Variants in SENP6 observed in about 807,000 individuals in gnomAD.
SENP6 encodes sentrin-specific protease 6.
SENP6 carries 41 observed loss-of-function variants against 134.5 expected under a neutral mutation model. That is an observed-to-expected ratio of 0.30 (90% CI 0.24 to 0.40). The LOEUF (loss-of-function observed/expected upper bound fraction) is 0.40, where lower values mean the gene tolerates loss of function less well. SENP6 is among the 10% of genes least tolerant of loss of function. SENP6 has a pLI of 1.00. For synonymous variants in SENP6, 395 were observed against 429.8 expected (o/e 0.92, Z 1.00); for missense variants, 1,248 against 1,312.5 (o/e 0.95, Z 0.76).
At position 75,678,850 on chromosome 6, in the gene SENP6, C is replaced by T. The variant is rs754435049; in HGVS notation, c.1998C>T (p.Ile666=). ...VYPPPPAKGG[I]SVTNEDLHCL... Reference sequence around the variant, plus strand: ...CACCACCTCCAGCTAAGGGAGGCATCTCTGTTACCAATGAGGACCTGCACT... The same window carrying T: ...CACCACCTCCAGCTAAGGGAGGCATTTCTGTTACCAATGAGGACCTGCACT... Residue 666 remains isoleucine (I), a synonymous_variant, in exon 16 of 24, where the codon ATC becomes ATT. Transcript: ENST00000447266. 2.1e-5 allele frequency: 34 copies of T among 1,608,500 alleles called. No individual in the cohort carries two copies. Among genetic ancestry groups the T allele is most frequent in the Admixed American group, 1.5e-4 (9 of 59,740 alleles).
chr6:75,673,988 T>G (rs1481010785), intron 11 of SENP6, among the ~76,000 whole-genome samples: 1 of 151,988 alleles, frequency 6.6e-6, no homozygotes, highest in Non-Finnish European at 1.5e-5. Context: ...GCCACTGCCT[T>G]CCAGCTCGGG....
At chr6:75,704,996 C>T (rs1325798432) in intron 19 of SENP6, among the ~76,000 whole-genome samples, 1 of 152,182 alleles carries the variant, frequency 6.6e-6, no homozygotes, top group Non-Finnish European at 1.5e-5. Context: ...CATCTCAGGG[C>T]AAAGCAATTG....
At chr6:75,615,729 G>A (rs1443487980) in intron 1 of SENP6, among the ~76,000 whole-genome samples, 1 of 152,166 alleles carries the variant, frequency 6.6e-6, no homozygotes, top group East Asian at 1.9e-4. Context: ...AAAATGAGCT[G>A]CAAAGTGTTC....
intron 7 of SENP6, among the ~76,000 whole-genome samples, chr6:75,657,489 C>T (rs1474865155): frequency 1.3e-5 from 2 of 152,144 alleles, no homozygotes; most frequent in Admixed American, 6.5e-5. Context: ...ATCATTATCT[C>T]TGTGTCACAA....
intron 16 of SENP6, among the ~76,000 whole-genome samples, chr6:75,685,744 A>G (rs1348699000): frequency 2.0e-5 from 3 of 152,188 alleles, no homozygotes. Flanking sequence ...ATTTGATTAC[A>G]CTGTGGTCTG....
At chr6:75,669,504 G>T (rs1487828198) in intron 10 of SENP6, among the ~76,000 whole-genome samples, 2 of 151,706 alleles carry the variant, frequency 1.3e-5, no homozygotes, top group Non-Finnish European at 2.9e-5. Context: ...GAAGGATAAT[G>T]GGAATGGTGG....
chr6:75,693,629 G>C (rs1439408398), intron 16 of SENP6, among the ~76,000 whole-genome samples: 2 of 152,170 alleles, frequency 1.3e-5, no homozygotes, highest in Admixed American at 6.5e-5. Flanking sequence ...TGAGTTGCCT[G>C]AAAGCAAGAA....
At chr6:75,604,219 A>G (rs1046627536) in intron 1 of SENP6, among the ~76,000 whole-genome samples, 12 of 152,322 alleles carry the variant, frequency 7.9e-5, no homozygotes, top group African/African-American at 2.4e-4. Context: ...TCAAACTACT[A>G]CTTTTACTTT....
chr6:75,652,565 G>A (rs888021953), intron 7 of SENP6, among the ~76,000 whole-genome samples: 4 of 150,604 alleles, frequency 2.7e-5, no homozygotes, highest in East Asian at 2.0e-4. Context: ...GGCCAGGCGC[G>A]GTGGCTCACG....
intron 3 of SENP6, among the ~76,000 whole-genome samples, chr6:75,629,152 G>T (rs1349490399): frequency 6.6e-6 from 1 of 152,144 alleles, no homozygotes; most frequent in African/African-American, 2.4e-5. Flanking sequence ...TACTAAAAAA[G>T]CTTTACCAAG....
At position 75,674,695 on chromosome 6, in the gene SENP6, A is replaced by G. The variant is rs142146944; in HGVS notation, c.1393-740A>G. 6.7e-3 allele frequency among the ~76,000 whole-genome samples: 1,015 copies of G among 152,348 alleles called. 11 individuals are homozygous for G. Among genetic ancestry groups the G allele is most frequent in the African/African-American group, 0.024 (982 of 41,578 alleles). On this transcript the variant is annotated intron_variant, in intron 11 of 23. Transcript: ENST00000447266. ...TTCCTTTCAGATGCAATCTTTAGAA[A>G]GTATGTTTAGTGACATTCTAGACTT...
At chr6:75,656,030 C>T (rs1365499210) in intron 7 of SENP6, among the ~76,000 whole-genome samples, 1 of 151,920 alleles carries the variant, frequency 6.6e-6, no homozygotes, top group African/African-American at 2.4e-5. Context: ...GCCTGGCCAA[C>T]GTGGCGAAAC....
chr6:75,642,177 G>A (rs916869060), intron 6 of SENP6, among the ~76,000 whole-genome samples: 27 of 152,190 alleles, frequency 1.8e-4, no homozygotes, highest in African/African-American at 6.5e-4. Context: ...TATCGAACCT[G>A]CTGTTACAGG....
chr6:75,673,374 A>G (rs1582826753), intron 11 of SENP6, among the ~76,000 whole-genome samples: 1 of 131,680 alleles, frequency 7.6e-6, no homozygotes, highest in Non-Finnish European at 1.5e-5. Context: ...CCCAGGCTGG[A>G]GTGCAGTGGC....
intron 16 of SENP6, among the ~76,000 whole-genome samples, chr6:75,684,992 C>T (rs1773726293): frequency 1.3e-5 from 2 of 152,096 alleles, no homozygotes; most frequent in African/African-American, 2.4e-5. Flanking sequence ...CCTCCTTGTA[C>T]CTCTGGTAGA....
intron 9 of SENP6, 148 bp downstream of exon 9, chr6:75,663,666 T>C: frequency 1.6e-6 from 1 of 638,790 alleles, no homozygotes; most frequent in Non-Finnish European, 2.5e-6. Context: ...CCATCTTAAA[T>C]AGTTAAAAAA....
At chr6:75,668,494 C>A (rs540884189) in intron 10 of SENP6, among the ~76,000 whole-genome samples, 22 of 151,206 alleles carry the variant, frequency 1.5e-4, no homozygotes, top group East Asian at 9.8e-4. Context: ...GAATAGAATT[C>A]AAAAAAAATA....
intron 8 of SENP6, among the ~76,000 whole-genome samples, chr6:75,660,000 A>G (rs547172396): frequency 6.6e-6 from 1 of 152,338 alleles, no homozygotes; most frequent in East Asian, 1.9e-4. Flanking sequence ...CAGCTAAATA[A>G]TGTCCTTTAT....
intron 19 of SENP6, among the ~76,000 whole-genome samples, chr6:75,705,741 T>C (rs907243431): frequency 6.7e-6 from 1 of 149,654 alleles, no homozygotes; most frequent in Non-Finnish European, 1.5e-5. Flanking sequence ...ATTTTTCTTC[T>C]TTTTTTTTAA....
Sources: allele counts gnomAD v4.1 joint callset (sites outside exome capture counted in the v4.1 genomes callset), GRCh38; gene constraint gnomAD v4.1.1; transcripts MANE v1.5; gene names NCBI Gene and HGNC (gene_info 2026-07-23, HGNC 2026-07-21).